Variants in LIMS2 observed in about 807,000 individuals in gnomAD.
LIMS2 encodes LIM and senescent cell antigen-like-containing domain protein 2.
In LIMS2, 30 loss-of-function variants were observed where a neutral mutation model predicts 45.3. That is an observed-to-expected ratio of 0.66 (90% CI 0.50 to 0.90). LIMS2 has a LOEUF of 0.90. LIMS2 is among the 40% of genes least tolerant of loss of function. The pLI is 0.00. For synonymous variants in LIMS2, 173 were observed against 188.0 expected (o/e 0.92, Z 0.65); for missense variants, 485 against 468.7 (o/e 1.03, Z -0.32).
At chr2:127,640,702 A>G (rs1210658983) in intron 7 of LIMS2, 194 bp downstream of exon 7, 1 of 607,464 alleles carries the variant, frequency 1.6e-6, no homozygotes, top group African/African-American at 1.9e-5. Flanking sequence ...ACATTCTTCA[A>G]AGGAAGACAC....
intron 4 of LIMS2, chr2:127,651,873 CCCA>C: frequency 1.1e-6 from 1 of 908,152 alleles, no homozygotes; most frequent in East Asian, 2.6e-5. Context: ...TCAGCAGATG[CCCA>C]CCATTTCTCT....
intron 4 of LIMS2, among the ~76,000 whole-genome samples, chr2:127,645,238 T>C (rs933016162): frequency 5.3e-5 from 8 of 152,214 alleles, no homozygotes; most frequent in Admixed American, 1.3e-4. Flanking sequence ...CACAGGGTGA[T>C]GTGAAGAGAC....
chr2:127,643,223 T>G, intron 4 of LIMS2, 151 bp from the exon 5 acceptor site: 1 of 761,608 alleles, frequency 1.3e-6, no homozygotes, highest in Non-Finnish European at 2.1e-6. Flanking sequence ...CAGACTGCCC[T>G]GTCACAAGGC....
At chr2:127,651,133 T>C (rs532659846) in intron 4 of LIMS2, 11 of 1,613,436 alleles carry the variant, frequency 6.8e-6, no homozygotes, top group African/African-American at 1.3e-5. Flanking sequence ...TTCCTGGCCA[T>C]TGTGCACCCG....
At position 127,653,679 on chromosome 2, in the gene LIMS2, C is replaced by T. The variant is rs193183674; in HGVS notation, c.359+745G>A. Among the ~76,000 whole-genome samples the T allele has an allele frequency of 6.6e-6, 1 of 152,020 alleles. No individual in the cohort carries two copies. The highest frequency in any genetic ancestry group is 2.4e-5 in the African/African-American group (1 of 41,376). ...GGGTGCCAGAAGGGGGGCGTTTCTG[C>T]ACCTCAGCAGCTGTGGTGAGGGCTG... On this transcript the variant is annotated intron_variant, in intron 4 of 9. Transcript: ENST00000355119. This position sits in a 1 kb window ranked among gnomAD's most constrained non-coding sequence, Gnocchi z 5.3.
At chr2:127,640,208 C>T (rs1482419362) in intron 8 of LIMS2, 62 bp downstream of exon 8, 9 of 1,612,534 alleles carry the variant, frequency 5.6e-6, no homozygotes, top group African/African-American at 1.3e-5. Context: ...GCTGGGCTCA[C>T]AGCTGCAGCA....
Position 127,655,116 on chromosome 2 carries a change from G to A in LIMS2, c.172-220C>T. On this transcript the variant is annotated intron_variant, in intron 2 of 9. Coordinates refer to ENST00000355119, the MANE Select transcript of LIMS2 (RefSeq NM_001161403.3). ...GGGAGGTGCCCCCGTGGAAGCTGGA[G>A]AGGTCCGTGAGGCCACCTGTCAAAG... The A allele has an allele frequency of 4.9e-6, 3 of 612,568 alleles. No homozygotes were observed. In the South Asian group the frequency reaches 5.6e-5, roughly 11 times the overall value. The allele number at this position is 612,568 out of a possible 1,614,324, so 37.9% of individuals were successfully genotyped here. A position where few individuals can be genotyped will look rare whatever the true frequency, so the allele number is the denominator to read the frequency against.
chr2:127,651,202 G>T, intron 4 of LIMS2: 1 of 1,610,526 alleles, frequency 6.2e-7, no homozygotes. Context: ...GCCTTCCTGT[G>T]GGTGGTGGTG....
Position 127,664,574 on chromosome 2 carries a change from C to G in LIMS2, c.12-7012G>C. On this transcript the variant is annotated intron_variant, in intron 1 of 9. Coordinates refer to ENST00000355119, the MANE Select transcript of LIMS2 (RefSeq NM_001161403.3). The surrounding 1 kb of genome is among the most constrained non-coding windows in gnomAD (Gnocchi z 5.5). ...TGGGATCTCCAAAGGGCAGCAGAGT[C>G]AACTCCAAATAGAAAGGATATTGTT... 1 of 1,145,710 alleles carries G rather than the reference C, an allele frequency of 8.7e-7. No individual in the cohort carries two copies. The highest frequency in any genetic ancestry group is 1.1e-6 in the Non-Finnish European group (1 of 933,302). The allele number at this position is 1,145,710 out of a possible 1,614,324, so 71.0% of individuals were successfully genotyped here. A position where few individuals can be genotyped will look rare whatever the true frequency, so the allele number is the denominator to read the frequency against.
intron 6 of LIMS2, chr2:127,641,829 C>G (rs900463885): frequency 1.9e-6 from 1 of 516,296 alleles, no homozygotes. Flanking sequence ...GTGGGCACAG[C>G]TACCCAACCG....
chr2:127,639,063 C>G lies in LIMS2; in HGVS notation c.*218G>C. ...AGACGTGGGGTCATAGGCTCCCACT[C>G]CCCAGCTCCTGCCTCCTCACAGACA... On this transcript the variant is annotated 3_prime_UTR_variant, in exon 10 of 10. Transcript: ENST00000355119. 1.7e-6 allele frequency: 1 copy of G among 574,236 alleles called. No individual in the cohort carries two copies. Among genetic ancestry groups the G allele is most frequent in the South Asian group, 2.1e-5 (1 of 47,168 alleles). The allele number at this position is 574,236 out of a possible 1,614,324, so 35.6% of individuals were successfully genotyped here.
intron 4 of LIMS2, among the ~76,000 whole-genome samples, chr2:127,649,005 G>A (rs114997935): frequency 8.0e-3 from 156 of 19,554 alleles, no homozygotes; most frequent in Middle Eastern, 0.042. Context: ...GGGGAGGGGA[G>A]GAAGGGGAGG....
chr2:127,658,011 G>A (rs559397168), intron 1 of LIMS2, among the ~76,000 whole-genome samples: 109 of 152,322 alleles, frequency 7.2e-4, no homozygotes, highest in Admixed American at 1.5e-3. Context: ...GTCTTCCATG[G>A]TTCCATCCTC....
intron 2 of LIMS2, chr2:127,655,349 A>T: frequency 4.8e-6 from 1 of 210,254 alleles, no homozygotes; most frequent in South Asian, 7.7e-5. Context: ...GAACGCAGGA[A>T]GGGCCTGGGC....
upstream of LIMS2, among the ~76,000 whole-genome samples, chr2:127,676,555 G>T (rs996762768): frequency 6.6e-6 from 1 of 151,938 alleles, no homozygotes; most frequent in Non-Finnish European, 1.5e-5. Context: ...GGGATTACAA[G>T]CATATGCCAC....
chr2:127,662,781 C>CT (rs1424295780), intron 1 of LIMS2, among the ~76,000 whole-genome samples: 1 of 151,922 alleles, frequency 6.6e-6, no homozygotes, highest in Admixed American at 6.6e-5. Flanking sequence ...TACCCTAAAA[C>CT]TTAAAGTCTA....
chr2:127,649,165 T>TAGGAAGGAAGGAAGGAAGGAAGGAAGGA (rs376330379), intron 4 of LIMS2, among the ~76,000 whole-genome samples: 105 of 134,344 alleles, frequency 7.8e-4, no homozygotes, highest in African/African-American at 2.8e-3. Flanking sequence ...GAGAGGAAGG[T>TAGGAAGGAAGGAAGGAAGGAAGGAAGGA]AGGAAGGAAG....
chr2:127,660,460 C>G (rs545995732), intron 1 of LIMS2, among the ~76,000 whole-genome samples: 3 of 152,168 alleles, frequency 2.0e-5, no homozygotes, highest in Non-Finnish European at 2.9e-5. Flanking sequence ...CTGAAGCCAG[C>G]GAGACCATGA....
chr2:127,642,731 T>C lies in LIMS2; in HGVS notation c.509+192A>G, dbSNP rs893993014. 1.6e-6 allele frequency: 1 copy of C among 635,012 alleles called. No homozygotes were observed. The highest frequency in any genetic ancestry group is 1.8e-5 in the African/African-American group (1 of 54,422). 39.3% of individuals were successfully genotyped at this position (635,012 alleles called of 1,614,324 possible). On this transcript the variant is annotated intron_variant, in intron 5 of 9. Coordinates refer to ENST00000355119, the MANE Select transcript of LIMS2 (RefSeq NM_001161403.3). The surrounding 1 kb of genome is among the most constrained non-coding windows in gnomAD (Gnocchi z 5.3). ...CAAACAGAGCCCTGGAGAGAGAAGC[T>C]TCCTGCCATGGCTGCTTCCCAGCCC...
Sources: allele counts gnomAD v4.1 joint callset (sites outside exome capture counted in the v4.1 genomes callset), GRCh38; gene constraint gnomAD v4.1.1; non-coding constraint Gnocchi (gnomAD v3.1); transcripts MANE v1.5; gene names NCBI Gene and HGNC (gene_info 2026-07-23, HGNC 2026-07-21).